MKX: variants seen among roughly 807,000 people sequenced by gnomAD.
MKX encodes homeobox protein Mohawk.
Under a neutral mutation model 36.0 loss-of-function variants are expected in MKX, and 13 were observed. That is an observed-to-expected ratio of 0.36 (90% CI 0.24 to 0.57). The LOEUF is 0.57. Among genes scored for constraint, MKX ranks in the 20% least tolerant of loss-of-function variants. MKX has a pLI of 0.79. For missense variants in MKX, 458 were observed against 456.4 expected, an observed-to-expected ratio of 1.00 and a Z score of -0.03; for synonymous variants, 176 against 178.3, an observed-to-expected ratio of 0.99 and a Z score of 0.10.
intron 5 of MKX, among the ~76,000 whole-genome samples, chr10:27,690,011 T>G (rs1836424959): frequency 6.6e-6 from 1 of 152,202 alleles, no homozygotes; most frequent in African/African-American, 2.4e-5. Context: ...AGATCCTTTT[T>G]CCATGATTAC....
At chr10:27,709,674 C>A (rs571338325) in intron 5 of MKX, among the ~76,000 whole-genome samples, 13 of 152,238 alleles carry the variant, frequency 8.5e-5, no homozygotes, top group African/African-American at 2.9e-4. Context: ...GGGATACTAG[C>A]CAGTTTTAAG....
intron 5 of MKX, among the ~76,000 whole-genome samples, chr10:27,713,598 C>G (rs1836910970): frequency 6.6e-6 from 1 of 152,060 alleles, no homozygotes; most frequent in African/African-American, 2.4e-5. Flanking sequence ...TCCCTCCCAC[C>G]CTGCATGAAA....
intron 5 of MKX, among the ~76,000 whole-genome samples, chr10:27,684,829 G>A (rs559271667): frequency 2.5e-4 from 38 of 152,330 alleles, no homozygotes; most frequent in Middle Eastern, 3.4e-3. Context: ...GAGATGAAAC[G>A]ATTCCACCTC....
chr10:27,694,810 C>T (rs995938594), intron 5 of MKX, among the ~76,000 whole-genome samples: 4 of 151,096 alleles, frequency 2.6e-5, no homozygotes, highest in African/African-American at 9.7e-5. Flanking sequence ...ATCAAAGTAT[C>T]ATACAAAAAA....
chr10:27,689,300 T>G (rs1836412131), intron 5 of MKX, among the ~76,000 whole-genome samples: 1 of 152,188 alleles, frequency 6.6e-6, no homozygotes, highest in Admixed American at 6.5e-5. Context: ...TATTTACTAC[T>G]AGAAAAAACC....
chr10:27,681,508 A>C (rs555711975), intron 5 of MKX, among the ~76,000 whole-genome samples: 28 of 152,324 alleles, frequency 1.8e-4, no homozygotes, highest in Admixed American at 5.2e-4. Context: ...AAAGTATAGC[A>C]CATAAATTAT....
chr10:27,700,976 T>C (rs1836641105), intron 5 of MKX, among the ~76,000 whole-genome samples: 1 of 152,192 alleles, frequency 6.6e-6, no homozygotes, highest in South Asian at 2.1e-4. Context: ...ATATACCTAT[T>C]TTATTATTGA....
intron 5 of MKX, among the ~76,000 whole-genome samples, chr10:27,686,961 C>T (rs1256400108): frequency 6.6e-6 from 1 of 152,062 alleles, no homozygotes; most frequent in Non-Finnish European, 1.5e-5. Flanking sequence ...GCATAGTCCC[C>T]CCAACTAGCT....
chr10:27,731,038 G>T (rs1427702316), intron 5 of MKX, among the ~76,000 whole-genome samples: 1 of 151,094 alleles, frequency 6.6e-6, no homozygotes, highest in Non-Finnish European at 1.5e-5. Context: ...GGAGGCTGAG[G>T]CAGGAGAATT....
intron 5 of MKX, among the ~76,000 whole-genome samples, chr10:27,701,876 A>ATG (rs1491520333): frequency 7.3e-5 from 11 of 150,872 alleles, no homozygotes; most frequent in Non-Finnish European, 1.6e-4. Context: ...TCAAATGTAC[A>ATG]TGTGTATATA....
At position 27,744,530 on chromosome 10, in the gene MKX, C is replaced by A. The variant is rs1835003161; in HGVS notation, c.-82-1033G>T. On this transcript the variant is annotated intron_variant, in intron 1 of 6. Transcript: ENST00000419761. This position sits in a 1 kb window ranked among gnomAD's most constrained non-coding sequence, Gnocchi z 5.6. Reference sequence around the variant, plus strand: ...GGCGTCAGGAGCAAGTCCGCGCGGCCGCGGAGCCGCAGAGTTACAGCCCCA... The same window carrying A: ...GGCGTCAGGAGCAAGTCCGCGCGGCAGCGGAGCCGCAGAGTTACAGCCCCA... Among the ~76,000 whole-genome samples, 1 of 152,058 alleles carries A rather than the reference C, an allele frequency of 6.6e-6. No individual in the cohort carries two copies. Among genetic ancestry groups the A allele is most frequent in the Non-Finnish European group, 1.5e-5 (1 of 67,990 alleles).
chr10:27,726,788 C>T (rs905082548), intron 5 of MKX, among the ~76,000 whole-genome samples: 7 of 151,410 alleles, frequency 4.6e-5, no homozygotes, highest in African/African-American at 1.7e-4. Flanking sequence ...ATTCAGGACC[C>T]TTCCTCTTGT....
intron 5 of MKX, among the ~76,000 whole-genome samples, chr10:27,701,779 A>G (rs562111512): frequency 6.8e-6 from 1 of 146,140 alleles, no homozygotes; most frequent in South Asian, 2.1e-4. Context: ...TAATATAAAT[A>G]TACATAATAT....
chr10:27,740,719 G>A (rs1459851161), intron 3 of MKX, among the ~76,000 whole-genome samples: 2 of 152,158 alleles, frequency 1.3e-5, no homozygotes, highest in African/African-American at 2.4e-5. Flanking sequence ...AAAGCATCAG[G>A]AGCAAAATGC....
intron 5 of MKX, among the ~76,000 whole-genome samples, chr10:27,719,190 T>C (rs949546820): frequency 6.6e-6 from 1 of 151,946 alleles, no homozygotes; most frequent in Non-Finnish European, 1.5e-5. Context: ...AGTTGAGAAA[T>C]TCATGGAAAG....
In MKX at chr10:27,725,673, C is replaced by CA. The variant is rs77841873; in HGVS notation, c.838+8782dup. Among the ~76,000 whole-genome samples the CA allele has an allele frequency of 3.5e-3, 466 of 131,452 alleles. 2 individuals carry two copies. The highest frequency in any genetic ancestry group is 0.01 in the African/African-American group (365 of 35,754). The allele number at this position is 131,452 out of a possible 152,430, so 86.2% of individuals were successfully genotyped here. A position where few individuals can be genotyped will look rare whatever the true frequency, so the allele number is the denominator to read the frequency against. ...AAAGGAAAAAACTAACTGCAACTAA[C>CA]AAAAAAAAAAAAGAAGGGAGAAAAG... On this transcript the variant is annotated intron_variant, in intron 5 of 6. Coordinates refer to ENST00000419761, the MANE Select transcript of MKX (RefSeq NM_173576.3).
In MKX at chr10:27,743,437, G is replaced by C; in HGVS notation, c.-22C>G. Reference sequence around the variant, plus strand: ...TCATGGTGTCGGTTGGTAGGGACGCGCGGCGCGGCCGCAGAGCCTCGGGGC... The same window carrying C: ...TCATGGTGTCGGTTGGTAGGGACGCCCGGCGCGGCCGCAGAGCCTCGGGGC... On this transcript the variant is annotated 5_prime_UTR_variant, in exon 2 of 7. Transcript: ENST00000419761. 6.6e-7 allele frequency: 1 copy of C among 1,519,636 alleles called. No individual in the cohort carries two copies. The highest frequency in any genetic ancestry group is 8.8e-7 in the Non-Finnish European group (1 of 1,137,752). The allele number at this position is 1,519,636 out of a possible 1,614,324, so 94.1% of individuals were successfully genotyped here. A position where few individuals can be genotyped will look rare whatever the true frequency, so the allele number is the denominator to read the frequency against.
chr10:27,731,655 T>TA (rs55866062), intron 5 of MKX, among the ~76,000 whole-genome samples: 10 of 149,986 alleles, frequency 6.7e-5, no homozygotes, highest in South Asian at 2.1e-4. Flanking sequence ...CTTGCATAAC[T>TA]AAAAAAAAAA....
At chr10:27,700,166 T>A (rs1296451656) in intron 5 of MKX, among the ~76,000 whole-genome samples, 2 of 152,210 alleles carry the variant, frequency 1.3e-5, no homozygotes, top group African/African-American at 4.8e-5. Flanking sequence ...GGGAGCAGTC[T>A]CCATGACCTT....
Sources: allele counts gnomAD v4.1 joint callset (sites outside exome capture counted in the v4.1 genomes callset), GRCh38; gene constraint gnomAD v4.1.1; non-coding constraint Gnocchi (gnomAD v3.1); transcripts MANE v1.5; gene names NCBI Gene and HGNC (gene_info 2026-07-23, HGNC 2026-07-21).